PDE11A: variants seen among roughly 807,000 people sequenced by gnomAD.
PDE11A encodes the protein phosphodiesterase 11A.
PDE11A carries 100 observed loss-of-function variants against 100.5 expected under a neutral mutation model. The observed-to-expected ratio is 1.00, with a 90% CI of 0.85 to 1.18. The LOEUF (loss-of-function observed/expected upper bound fraction) is 1.18. Among genes scored for constraint, PDE11A ranks in the 50% most tolerant of loss-of-function variants. The pLI is 0.00. For synonymous variants in PDE11A, 381 were observed against 420.8 expected, an observed-to-expected ratio of 0.91 and a Z score of 1.16; for missense variants, 1,141 against 1,152.6, an observed-to-expected ratio of 0.99 and a Z score of 0.15.
rs2081412471 is a variant in PDE11A, at chr2:177,714,837, A to G, written c.2044-2959T>C. On this transcript the variant is annotated intron_variant, in intron 12 of 19. Transcript: ENST00000286063. ...CAAAGCAATTTTGAAGTGGGTCAGA[A>G]CGGTCACAGCTTGTTTCTAGATCCT... Among the ~76,000 whole-genome samples the G allele has an allele frequency of 3.3e-5, 5 of 152,226 alleles. No individual in the cohort carries two copies. The South Asian group carries it at 1.0e-3, about 32-fold the overall frequency.
intron 2 of PDE11A, among the ~76,000 whole-genome samples, chr2:178,003,716 G>C (rs1013790027): frequency 6.6e-6 from 1 of 152,026 alleles, no homozygotes; most frequent in Non-Finnish European, 1.5e-5. Context: ...AGCATTGTAT[G>C]GTATGTGAAT....
At chr2:177,720,039 C>G (rs1197879320) in intron 12 of PDE11A, among the ~76,000 whole-genome samples, 1 of 151,966 alleles carries the variant, frequency 6.6e-6, no homozygotes, top group Non-Finnish European at 1.5e-5. Flanking sequence ...ACATATCCCA[C>G]TCATGGGTGG....
chr2:177,947,542 C>G (rs2085458464), intron 2 of PDE11A, among the ~76,000 whole-genome samples: 1 of 151,854 alleles, frequency 6.6e-6, no homozygotes, highest in African/African-American at 2.4e-5. Flanking sequence ...GCAAGATGTG[C>G]TTTGTTAAAC....
At chr2:177,732,563 A>T (rs2081708462) in intron 10 of PDE11A, among the ~76,000 whole-genome samples, 1 of 152,196 alleles carries the variant, frequency 6.6e-6, no homozygotes, top group East Asian at 1.9e-4. Flanking sequence ...GTAGATTATT[A>T]ATAGTGTATT....
At chr2:177,979,558 G>T (rs2085853987) in intron 2 of PDE11A, among the ~76,000 whole-genome samples, 1 of 146,580 alleles carries the variant, frequency 6.8e-6, no homozygotes, top group Non-Finnish European at 1.5e-5. Flanking sequence ...CCAGGGACTT[G>T]CATCTCTCTG....
At chr2:177,958,643 A>C (rs2085594559) in intron 2 of PDE11A, among the ~76,000 whole-genome samples, 1 of 152,214 alleles carries the variant, frequency 6.6e-6, no homozygotes, top group African/African-American at 2.4e-5. Context: ...AGAAATGCTA[A>C]AACCTCAAGG....
intron 9 of PDE11A, among the ~76,000 whole-genome samples, chr2:177,784,015 G>C (rs1424560574): frequency 6.6e-6 from 1 of 151,954 alleles, no homozygotes; most frequent in Non-Finnish European, 1.5e-5. Context: ...CATTAGATAA[G>C]GTAGTGAGAG....
At chr2:178,053,124 T>A (rs1185833326) in intron 1 of PDE11A, among the ~76,000 whole-genome samples, 1 of 152,220 alleles carries the variant, frequency 6.6e-6, no homozygotes, top group East Asian at 1.9e-4. Context: ...AATAAAATAC[T>A]GGCAAACTGA....
rs2080066859 is a variant in PDE11A, at chr2:177,637,902, CATATATACATATATACACATACATATAT to C, written c.2647-8368_2647-8341del. ...CATCTACTATACATATATATATATA[CATATATACATATATACACATACATATAT>C]ACATATATACATATATACACATACA... On this transcript the variant is annotated intron_variant, in intron 19 of 19. Transcript: ENST00000286063. Among the ~76,000 whole-genome samples, 6 of 79,178 alleles carry C rather than the reference CATATATACATATATACACATACATATAT, an allele frequency of 7.6e-5. No individual in the cohort carries two copies. The Admixed American group carries it at 8.9e-4, about 12-fold the overall frequency. The allele number at this position is 79,178 out of a possible 152,430, so 51.9% of individuals were successfully genotyped here.
intron 1 of PDE11A, among the ~76,000 whole-genome samples, chr2:178,060,867 A>G (rs2086959783): frequency 6.6e-6 from 1 of 151,992 alleles, no homozygotes; most frequent in African/African-American, 2.4e-5. Context: ...CATATAGACA[A>G]ATCTTTGCAC....
intron 9 of PDE11A, among the ~76,000 whole-genome samples, chr2:177,809,161 T>C (rs1205302089): frequency 6.6e-6 from 1 of 152,028 alleles, no homozygotes; most frequent in Non-Finnish European, 1.5e-5. Flanking sequence ...TTTGGGAAGA[T>C]GAAAAAGTTC....
intron 19 of PDE11A, among the ~76,000 whole-genome samples, chr2:177,661,931 T>G (rs896837238): frequency 3.3e-5 from 5 of 152,218 alleles, no homozygotes; most frequent in Non-Finnish European, 7.4e-5. Context: ...GACACAACTC[T>G]AATTTGGTGG....
chr2:177,964,483 AC>A (rs2085674169), intron 2 of PDE11A, among the ~76,000 whole-genome samples: 1 of 152,072 alleles, frequency 6.6e-6, no homozygotes, highest in Non-Finnish European at 1.5e-5. Flanking sequence ...TTATTTAATC[AC>A]CCAGGTAATG....
intron 6 of PDE11A, among the ~76,000 whole-genome samples, chr2:177,823,350 C>A (rs2083173710): frequency 6.6e-6 from 1 of 152,096 alleles, no homozygotes; most frequent in Non-Finnish European, 1.5e-5. Context: ...GGAAAGACAA[C>A]AATTCACTCT....
chr2:177,945,861 G>T (rs1323007499), intron 2 of PDE11A, among the ~76,000 whole-genome samples: 58 of 106,390 alleles, frequency 5.5e-4, no homozygotes, highest in African/African-American at 1.6e-3. Context: ...CAGCCGTGCC[G>T]TCCGGGAGGG....
chr2:177,840,171 G>C, intron 6 of PDE11A, 80 bp downstream of exon 6: 1 of 1,385,738 alleles, frequency 7.2e-7, no homozygotes, highest in East Asian at 2.3e-5. Context: ...TTGCTGGTAA[G>C]TATTCCTTTT....
intron 9 of PDE11A, among the ~76,000 whole-genome samples, chr2:177,813,764 G>C (rs908094099): frequency 5.3e-5 from 8 of 151,782 alleles, no homozygotes; most frequent in African/African-American, 1.9e-4. Context: ...GGAAGGAAAA[G>C]ATTCTAGGGT....
chr2:177,661,600 A>C (rs891777575), intron 19 of PDE11A, among the ~76,000 whole-genome samples: 2 of 152,146 alleles, frequency 1.3e-5, no homozygotes, highest in Non-Finnish European at 2.9e-5. Context: ...TCACCCTACA[A>C]AGTTTCAGTT....
At chr2:177,726,901 A>C (rs920731651) in intron 12 of PDE11A, among the ~76,000 whole-genome samples, 1 of 152,094 alleles carries the variant, frequency 6.6e-6, no homozygotes, top group Non-Finnish European at 1.5e-5. Context: ...CTATGAAGCC[A>C]AAGAAACCAA....
Sources: gnomAD v4.1 joint callset for allele counts (sites outside exome capture counted in the v4.1 genomes callset) on GRCh38, gnomAD v4.1.1 for gene constraint, MANE v1.5 for transcripts, NCBI Gene and HGNC (gene_info 2026-07-23, HGNC 2026-07-21) for gene names.